Variants in MGAM2 observed in about 807,000 individuals in gnomAD.
The protein encoded by MGAM2 is maltase-glucoamylase 2 (putative).
Under a neutral mutation model 96.1 loss-of-function variants are expected in MGAM2, and 98 were observed. That is an observed-to-expected ratio of 1.02 (90% CI 0.87 to 1.21). The LOEUF (loss-of-function observed/expected upper bound fraction) is 1.21, where lower values mean the gene tolerates loss of function less well. MGAM2 is among the 50% of genes most tolerant of loss of function. The pLI, the probability that MGAM2 is intolerant of heterozygous loss-of-function variation, is 0.00. For missense variants in MGAM2, 2,055 were observed against 1,182.4 expected (o/e 1.74, Z -10.82); for synonymous variants, 749 against 414.8 (o/e 1.81, Z -9.79).
chr7:142,190,636 T>A (rs1387129959), intron 37 of MGAM2, among the ~76,000 whole-genome samples: 1 of 152,044 alleles, frequency 6.6e-6, no homozygotes, highest in Non-Finnish European at 1.5e-5. Flanking sequence ...TTCCTCCACA[T>A]CCTTGCCAAC....
chr7:142,127,234 T>C (rs918545607), intron 3 of MGAM2, among the ~76,000 whole-genome samples: 3 of 152,196 alleles, frequency 2.0e-5, no homozygotes, highest in Admixed American at 6.5e-5. Context: ...TAATGATCCA[T>C]GACATTTTAT....
chr7:142,162,262 G>A (rs1795911749), intron 23 of MGAM2, among the ~76,000 whole-genome samples: 1 of 152,016 alleles, frequency 6.6e-6, no homozygotes, highest in African/African-American at 2.4e-5. Flanking sequence ...TTATGTGATG[G>A]GTGCTGGCTT....
At chr7:142,132,144 C>T (rs1794908225) in intron 6 of MGAM2, 59 bp downstream of exon 6, 1 of 622,236 alleles carries the variant, frequency 1.6e-6, no homozygotes, top group African/African-American at 1.8e-5. Context: ...ATTACTCATT[C>T]TGATTTACTG....
chr7:142,162,464 A>G (rs1299254117), intron 23 of MGAM2, among the ~76,000 whole-genome samples: 1 of 152,048 alleles, frequency 6.6e-6, no homozygotes, highest in Non-Finnish European at 1.5e-5. Context: ...CCTCATATCT[A>G]TTTCCCAAGG....
chr7:142,128,706 T>C (rs974070948), intron 3 of MGAM2, among the ~76,000 whole-genome samples: 6 of 152,224 alleles, frequency 3.9e-5, no homozygotes, highest in Middle Eastern at 3.4e-3. Flanking sequence ...TGTGGGTGCA[T>C]AGAAGTCAAG....
chr7:142,214,429 C>T (rs1454581828), intron 46 of MGAM2, among the ~76,000 whole-genome samples: 8 of 152,184 alleles, frequency 5.3e-5, no homozygotes, highest in African/African-American at 1.9e-4. Context: ...AGCCGAAAAT[C>T]TCATTAAGGT....
intron 10 of MGAM2, among the ~76,000 whole-genome samples, chr7:142,138,978 T>C (rs1430035010): frequency 6.6e-6 from 1 of 152,164 alleles, no homozygotes; most frequent in Non-Finnish European, 1.5e-5. Flanking sequence ...CTTACTTTGG[T>C]GGGCTGGTAG....
intron 25 of MGAM2, 126 bp from the exon 26 acceptor site, chr7:142,167,142 G>T (rs1365596440): frequency 3.5e-6 from 2 of 575,332 alleles, no homozygotes; most frequent in Non-Finnish European, 6.2e-6. Context: ...TTTTTTAGGG[G>T]ACACAATTCA....
intron 15 of MGAM2, among the ~76,000 whole-genome samples, chr7:142,153,543 T>C (rs965685206): frequency 1.3e-5 from 2 of 152,308 alleles, no homozygotes; most frequent in East Asian, 3.9e-4. Context: ...TTCAGAGGTG[T>C]ACCAGCTGGT....
At chr7:142,172,234 G>A (rs1585185607) in intron 29 of MGAM2, 40 bp downstream of exon 29, 3 of 686,230 alleles carry the variant, frequency 4.4e-6, no homozygotes, top group South Asian at 3.1e-5. Flanking sequence ...ACCAGAAACA[G>A]CTGTGACCGC....
intron 6 of MGAM2, among the ~76,000 whole-genome samples, chr7:142,132,590 T>C (rs1217964186): frequency 1.5e-5 from 2 of 129,280 alleles, no homozygotes; most frequent in East Asian, 4.5e-4. Context: ...TAATCAACTA[T>C]ATAATTTATA....
At chr7:142,154,897 G>A (rs1795691311) in intron 17 of MGAM2, 52 bp downstream of exon 17, 1 of 698,288 alleles carries the variant, frequency 1.4e-6, no homozygotes, top group African/African-American at 1.7e-5. Context: ...CTAATCTACT[G>A]GCTCTTAAAG....
chr7:142,134,642 C>A (rs1211137342), intron 7 of MGAM2, among the ~76,000 whole-genome samples: 1 of 152,012 alleles, frequency 6.6e-6, no homozygotes, highest in Non-Finnish European at 1.5e-5. Context: ...AATCTCAGGC[C>A]ATAGCCCAGA....
At position 142,185,983 on chromosome 7, in the gene MGAM2, T is replaced by G; in HGVS notation, c.3988-6T>G. On this transcript the variant is annotated splice_polypyrimidine_tract_variant and splice_region_variant and intron_variant, in intron 34 of 47. Transcript: ENST00000477922. ...CCGACAATGAGAGTGTGTGTTATTC[T>G]TACAGCTTTACAGGGCCTACGTTGC... 2.8e-6 allele frequency: 2 copies of G among 703,034 alleles called. No homozygotes were observed. The highest frequency in any genetic ancestry group is 5.2e-6 in the Non-Finnish European group (2 of 384,924). 43.5% of individuals were successfully genotyped at this position (703,034 alleles called of 1,614,324 possible). A position where few individuals can be genotyped will look rare whatever the true frequency, so the allele number is the denominator to read the frequency against.
chr7:142,171,652 A>ATCTATCTATC (rs1796195196), intron 28 of MGAM2, among the ~76,000 whole-genome samples: 1 of 75,646 alleles, frequency 1.3e-5, no homozygotes, highest in African/African-American at 5.1e-5. Context: ...ATATATATAT[A>ATCTATCTATC]TATCCACAAC....
intron 46 of MGAM2, among the ~76,000 whole-genome samples, chr7:142,214,921 T>C (rs971303657): frequency 1.3e-5 from 2 of 152,122 alleles, no homozygotes; most frequent in African/African-American, 4.8e-5. Context: ...GAACCAGAAA[T>C]ACCATTTCAC....
intron 20 of MGAM2, among the ~76,000 whole-genome samples, chr7:142,159,763 A>G (rs953141948): frequency 6.6e-6 from 1 of 152,172 alleles, no homozygotes; most frequent in Non-Finnish European, 1.5e-5. Flanking sequence ...CAGCATTCAG[A>G]CCATAGCAGA....
rs34665032 is a variant in MGAM2, at chr7:142,118,797, C to CAA, written c.107-1499_107-1498dup. ...TTCAGGGCTTCCCTGGTAACAACAA[C>CAA]AAAAAAATGTTGGATCTCTACCTGA... On this transcript the variant is annotated intron_variant, in intron 2 of 47. Transcript: ENST00000477922. Among the ~76,000 whole-genome samples, 36 of 151,890 alleles carry CAA rather than the reference C, an allele frequency of 2.4e-4. 1 individual carries two copies. Among genetic ancestry groups the CAA allele is most frequent in the Admixed American group, 2.4e-3 (36 of 15,256 alleles).
rs114133571 is a variant in MGAM2, at chr7:142,221,661, A to T, written c.7150A>T (p.Ile2384Phe). 9.0e-3 allele frequency: 4,046 copies of T among 450,010 alleles called. 132 individuals are homozygous for T. Among genetic ancestry groups the T allele is most frequent in the African/African-American group, 0.074 (3,709 of 50,152 alleles). 27.9% of individuals were successfully genotyped at this position (450,010 alleles called of 1,614,324 possible). A position where few individuals can be genotyped will look rare whatever the true frequency, so the allele number is the denominator to read the frequency against. ...TTCCATAGACAAATTCACCACACAC[A>T]TCACACAGTTCGCTACTCCCCATTC... ...VTSIDKFTTH[I>F]TQFATPHSAT... The change falls in exon 48 of 48, where the codon ATC becomes TTC. Residue 2384 changes from isoleucine (I) to phenylalanine (F), a missense_variant. Coordinates refer to ENST00000477922, the MANE Select transcript of MGAM2 (RefSeq NM_001293626.2).
Sources: allele counts gnomAD v4.1 joint callset (sites outside exome capture counted in the v4.1 genomes callset), GRCh38; gene constraint gnomAD v4.1.1; transcripts MANE v1.5; gene names NCBI Gene and HGNC (gene_info 2026-07-23, HGNC 2026-07-21).